Variants in KCNC1 observed in about 807,000 individuals in gnomAD.
KCNC1 encodes the protein potassium voltage-gated channel subfamily C member 1.
A neutral mutation model predicts 43.4 loss-of-function variants in KCNC1; 8 were observed. The observed-to-expected ratio is 0.18, with a 90% CI of 0.11 to 0.33. The LOEUF is 0.33. Among genes scored for constraint, KCNC1 ranks in the 10% least tolerant of loss-of-function variants. The probability of loss-of-function intolerance (pLI) is 1.00; values close to 1 mark genes in which losing one functional copy is unlikely to be tolerated. For missense variants in KCNC1, 420 were observed against 836.0 expected (o/e 0.50, Z 6.14); for synonymous variants, 361 against 360.5 (o/e 1.00, Z -0.01).
At chr11:17,762,462 C>G (rs1045024688) in intron 1 of KCNC1, among the ~76,000 whole-genome samples, 1 of 152,196 alleles carries the variant, frequency 6.6e-6, no homozygotes, top group African/African-American at 2.4e-5. Flanking sequence ...ACTGTTACAA[C>G]CACTGGGAGG....
At chr11:17,753,570 C>T (rs549440042) in intron 1 of KCNC1, among the ~76,000 whole-genome samples, 3 of 152,372 alleles carry the variant, frequency 2.0e-5, no homozygotes, top group South Asian at 4.1e-4. Flanking sequence ...GTCCTGTCAT[C>T]GTTCCCGACC....
At chr11:17,778,510 T>A (rs1590109412) in intron 2 of KCNC1, among the ~76,000 whole-genome samples, 1 of 152,234 alleles carries the variant, frequency 6.6e-6, no homozygotes, top group Admixed American at 6.5e-5. Flanking sequence ...CATGCATACA[T>A]CCTTGTTGTG....
Position 17,745,738 on chromosome 11 carries a change from G to A in KCNC1, c.570+9166G>A, listed in dbSNP as rs1848891532. Among the ~76,000 whole-genome samples, 3 of 152,032 alleles carry A rather than the reference G, an allele frequency of 2.0e-5. No homozygotes were observed. The South Asian group carries it at 6.2e-4, about 32-fold the overall frequency. ...ATGCTTCTGCCTCAAGACCTGCGCTGCGCTGGTCCCTCCACCTGGCATGCT... is the reference window on the plus strand; with the variant it reads ...ATGCTTCTGCCTCAAGACCTGCGCTACGCTGGTCCCTCCACCTGGCATGCT... On this transcript the variant is annotated intron_variant, in intron 1 of 3. Coordinates refer to ENST00000265969, the MANE Select transcript of KCNC1 (RefSeq NM_001112741.2).
chr11:17,758,630 A>G (rs1402064473), intron 1 of KCNC1, among the ~76,000 whole-genome samples: 1 of 152,242 alleles, frequency 6.6e-6, no homozygotes, highest in Non-Finnish European at 1.5e-5. Flanking sequence ...GTTAGCTGGC[A>G]GGAGAACAAC....
At chr11:17,772,904 GGGGCTCT>G (rs1849247378) in intron 2 of KCNC1, 2 of 1,247,006 alleles carry the variant, frequency 1.6e-6, no homozygotes, top group African/African-American at 3.0e-5. Context: ...AGGAGCCAGG[GGGGCTCT>G]GCTTGGTGGG....
At position 17,763,932 on chromosome 11, in the gene KCNC1, C is replaced by T. The variant is rs1397869542; in HGVS notation, c.571-7733C>T. 1.0e-4 allele frequency among the ~76,000 whole-genome samples: 14 copies of T among 135,336 alleles called. 2 individuals are homozygous for T. Among genetic ancestry groups the T allele is most frequent in the South Asian group, 5.1e-4 (2 of 3,922 alleles). 88.8% of individuals were successfully genotyped at this position (135,336 alleles called of 152,430 possible). A position where few individuals can be genotyped will look rare whatever the true frequency, so the allele number is the denominator to read the frequency against. ...CACACACCACACATGCACATATACA[C>T]GCCCACACACACACACACCCACACA... is the stretch of plus-strand genomic sequence containing the variant. On this transcript the variant is annotated intron_variant, in intron 1 of 3. Coordinates refer to ENST00000265969, the MANE Select transcript of KCNC1 (RefSeq NM_001112741.2).
Position 17,748,613 on chromosome 11 carries a change from TA to T in KCNC1, c.570+12045del, listed in dbSNP as rs548825296. Among the ~76,000 whole-genome samples, 315 of 152,238 alleles carry T rather than the reference TA, an allele frequency of 2.1e-3. 4 individuals are homozygous for T. The highest frequency in any genetic ancestry group is 7.3e-3 in the African/African-American group (302 of 41,546). ...CTTAAATCTAAAATAAAATAATTTTTAAAAGAAAGAAAAATCCACCCCTAAA... is the reference window on the plus strand; with the variant it reads ...CTTAAATCTAAAATAAAATAATTTTTAAAGAAAGAAAAATCCACCCCTAAA... On this transcript the variant is annotated intron_variant, in intron 1 of 3. Transcript: ENST00000265969.
At chr11:17,764,431 G>A (rs746659361) in intron 1 of KCNC1, among the ~76,000 whole-genome samples, 1 of 151,982 alleles carries the variant, frequency 6.6e-6, no homozygotes, top group Non-Finnish European at 1.5e-5. Flanking sequence ...TACAGCACAC[G>A]TAGCGACCAT....
Position 17,735,956 on chromosome 11 carries a change from C to A in KCNC1, c.-47C>A. On this transcript the variant is annotated 5_prime_UTR_variant, in exon 1 of 4. Coordinates refer to ENST00000265969, the MANE Select transcript of KCNC1 (RefSeq NM_001112741.2). The surrounding 1 kb of genome is among the most constrained non-coding windows in gnomAD (Gnocchi z 6.7). ...CGGCGCCAACTCCCCCTGGCGGCCG[C>A]TCCCATGGGTGTCGCTGGGCCGCGC... 5 of 1,388,858 alleles carry A rather than the reference C, an allele frequency of 3.6e-6. No homozygotes were observed. The highest frequency in any genetic ancestry group is 4.6e-6 in the Non-Finnish European group (5 of 1,080,136). 86.0% of individuals were successfully genotyped at this position (1,388,858 alleles called of 1,614,324 possible).
intron 1 of KCNC1, among the ~76,000 whole-genome samples, chr11:17,747,688 G>C (rs1428183671): frequency 1.3e-5 from 2 of 152,210 alleles, no homozygotes; most frequent in African/African-American, 2.4e-5. Flanking sequence ...AGCTCAGGGG[G>C]GCTCAGGAAC....
rs572729307 is a variant in KCNC1, at chr11:17,739,646, CTG to C, written c.570+3076_570+3077del. ...GTGGCTGTGTGTGGCAAGTGTGAAA[CTG>C]TATATGTGGAGCTCATGTGTGAGTC... is the stretch of plus-strand genomic sequence containing the variant. On this transcript the variant is annotated intron_variant, in intron 1 of 3. Coordinates refer to ENST00000265969, the MANE Select transcript of KCNC1 (RefSeq NM_001112741.2). This position sits in a 1 kb window ranked among gnomAD's most constrained non-coding sequence, Gnocchi z 4.2. Among the ~76,000 whole-genome samples, 122 of 143,584 alleles carry C rather than the reference CTG, an allele frequency of 8.5e-4. 1 individual carries two copies. Among genetic ancestry groups the C allele is most frequent in the Non-Finnish European group, 1.3e-3 (89 of 66,534 alleles). The allele number at this position is 143,584 out of a possible 152,430, so 94.2% of individuals were successfully genotyped here.
chr11:17,770,582 C>T (rs1294628291), intron 1 of KCNC1, among the ~76,000 whole-genome samples: 1 of 152,186 alleles, frequency 6.6e-6, no homozygotes, highest in East Asian at 1.9e-4. Flanking sequence ...CTCCTCGGTA[C>T]CCATGCCTGC....
chr11:17,759,332 C>T (rs1397375456), intron 1 of KCNC1, among the ~76,000 whole-genome samples: 1 of 152,240 alleles, frequency 6.6e-6, no homozygotes, highest in Non-Finnish European at 1.5e-5. Flanking sequence ...TGTGTTTCAT[C>T]TTCTATCCAG....
At chr11:17,778,174 C>T (rs541328515) in intron 2 of KCNC1, among the ~76,000 whole-genome samples, 146 of 152,318 alleles carry the variant, frequency 9.6e-4, no homozygotes, top group African/African-American at 3.5e-3. Context: ...CAGGTTCGGT[C>T]CTCAAGAGTG....
At chr11:17,747,882 T>C (rs1384814604) in intron 1 of KCNC1, among the ~76,000 whole-genome samples, 3 of 152,134 alleles carry the variant, frequency 2.0e-5, no homozygotes, top group Non-Finnish European at 4.4e-5. Flanking sequence ...ACCTCACCTC[T>C]TCCTTCCCCA....
At chr11:17,774,119 C>T (rs1034276785) in intron 2 of KCNC1, 59 of 985,470 alleles carry the variant, frequency 6.0e-5, no homozygotes, top group Non-Finnish European at 6.4e-5. Flanking sequence ...TTTCACCCTG[C>T]CGCATACCCT....
chr11:17,771,548 TGCAGGG>T lies in KCNC1; in HGVS notation c.571-115_571-110del. The T allele has an allele frequency of 1.1e-6, 1 of 870,770 alleles. No individual in the cohort carries two copies. Among genetic ancestry groups the T allele is most frequent in the Non-Finnish European group, 1.8e-6 (1 of 555,272 alleles). 53.9% of individuals were successfully genotyped at this position (870,770 alleles called of 1,614,324 possible). A position where few individuals can be genotyped will look rare whatever the true frequency, so the allele number is the denominator to read the frequency against. ...CTGAGGAGGGAAATGTAGCACGTGCTGCAGGGGGCCTGGTGCTGGCATCTCCCCCCG... is the reference window on the plus strand; with the variant it reads ...CTGAGGAGGGAAATGTAGCACGTGCTGGCCTGGTGCTGGCATCTCCCCCCG... On this transcript the variant is annotated intron_variant, in intron 1 of 3. Transcript: ENST00000265969. This position sits in a 1 kb window ranked among gnomAD's most constrained non-coding sequence, Gnocchi z 4.7.
At chr11:17,741,465 C>T (rs1269814743) in intron 1 of KCNC1, among the ~76,000 whole-genome samples, 2 of 152,076 alleles carry the variant, frequency 1.3e-5, no homozygotes, top group African/African-American at 2.4e-5. Flanking sequence ...TAGACTCTCT[C>T]GTCTCCCTCC....
Position 17,736,583 on chromosome 11 carries a change from A to G in KCNC1, c.570+11A>G, listed in dbSNP as rs2133774637. 1.3e-6 allele frequency: 2 copies of G among 1,506,798 alleles called. No individual in the cohort carries two copies. Among genetic ancestry groups the G allele is most frequent in the Middle Eastern group, 1.8e-4 (1 of 5,678 alleles). The allele number at this position is 1,506,798 out of a possible 1,614,324, so 93.3% of individuals were successfully genotyped here. On this transcript the variant is annotated intron_variant, in intron 1 of 3. Transcript: ENST00000265969. The surrounding 1 kb of genome is among the most constrained non-coding windows in gnomAD (Gnocchi z 9.3). ...TCCCGCTACGCGCGGGTAAGTGACA[A>G]TTTACCCATCAGAAGAGCGGGGCGG... is the stretch of plus-strand genomic sequence containing the variant.
Sources: allele counts gnomAD v4.1 joint callset (sites outside exome capture counted in the v4.1 genomes callset), GRCh38; gene constraint gnomAD v4.1.1; non-coding constraint Gnocchi (gnomAD v3.1); transcripts MANE v1.5; gene names NCBI Gene and HGNC (gene_info 2026-07-23, HGNC 2026-07-21).